Variants in VAV3 observed in about 807,000 individuals in gnomAD.
VAV3 encodes guanine nucleotide exchange factor VAV3.
Under a neutral mutation model 131.2 loss-of-function variants are expected in VAV3, and 94 were observed. The ratio of observed to expected loss-of-function variants is 0.72; its 90% confidence interval spans 0.61 to 0.85. The LOEUF is 0.85. VAV3 is among the 40% of genes least tolerant of loss of function. The probability of loss-of-function intolerance (pLI) is 0.00; values close to 1 mark genes in which losing one functional copy is unlikely to be tolerated. For missense variants in VAV3, 939 were observed against 1,002.7 expected, an observed-to-expected ratio of 0.94 and a Z score of 0.86; for synonymous variants, 349 against 342.0, an observed-to-expected ratio of 1.02 and a Z score of -0.22.
intron 2 of VAV3, among the ~76,000 whole-genome samples, chr1:107,827,254 G>A (rs1668056798): frequency 6.6e-6 from 1 of 152,106 alleles, no homozygotes; most frequent in Non-Finnish European, 1.5e-5. Context: ...GGAAAGGACA[G>A]CACTATTTGA....
chr1:107,592,983 C>T (rs1439544367), intron 25 of VAV3, among the ~76,000 whole-genome samples: 1 of 152,062 alleles, frequency 6.6e-6, no homozygotes, highest in Non-Finnish European at 1.5e-5. Context: ...CTAGAGGAAG[C>T]CCAAGAGCTC....
chr1:107,605,519 T>C (rs750183936), intron 22 of VAV3, among the ~76,000 whole-genome samples: 18 of 152,152 alleles, frequency 1.2e-4, no homozygotes, highest in Non-Finnish European at 1.9e-4. Context: ...ATGAGACAAA[T>C]AAATATATCT....
intron 15 of VAV3, among the ~76,000 whole-genome samples, chr1:107,718,735 G>C (rs1426834655): frequency 6.6e-6 from 1 of 152,142 alleles, no homozygotes; most frequent in African/African-American, 2.4e-5. Context: ...CCAAAAAAGA[G>C]CCTGCATTAC....
At chr1:107,666,202 C>A (rs1657395414) in intron 19 of VAV3, among the ~76,000 whole-genome samples, 1 of 152,118 alleles carries the variant, frequency 6.6e-6, no homozygotes, top group Non-Finnish European at 1.5e-5. Context: ...ATCCAACCCA[C>A]CAATTGTCAA....
rs1665561912 is a variant in VAV3 at position 107,779,469 on chromosome 1, A to G, written c.345T>C (p.Leu115=). The G allele has an allele frequency of 6.3e-7, 1 of 1,590,904 alleles. No individual in the cohort carries two copies. Among genetic ancestry groups the G allele is most frequent in the South Asian group, 1.2e-5 (1 of 86,424 alleles). ...FGKVIETLSR[L]SRTPIALATG... ...TGGCCAATGCTATAGGTGTTCGAGA[A>G]AGTCGTGATAATGTTTCTATAACCT... The change falls in exon 3 of 27, where the codon CTT becomes CTC. Residue 115 remains leucine (L), a synonymous_variant. Coordinates refer to ENST00000370056, the MANE Select transcript of VAV3 (RefSeq NM_006113.5).
At chr1:107,771,505 G>T (rs1474125293) in intron 5 of VAV3, among the ~76,000 whole-genome samples, 1 of 152,056 alleles carries the variant, frequency 6.6e-6, no homozygotes, top group East Asian at 1.9e-4. Context: ...TGCCTGCCTC[G>T]GCCTCTCAGA....
chr1:107,782,754 G>A (rs1015707869), intron 2 of VAV3, among the ~76,000 whole-genome samples: 1 of 152,188 alleles, frequency 6.6e-6, no homozygotes, highest in African/African-American at 2.4e-5. Context: ...AGCGTATCCG[G>A]ATTTGGAATA....
intron 1 of VAV3, among the ~76,000 whole-genome samples, chr1:107,945,488 A>G (rs919458263): frequency 1.3e-5 from 2 of 152,204 alleles, no homozygotes; most frequent in African/African-American, 4.8e-5. Flanking sequence ...GTGAATAAAA[A>G]TATAAGTGGC....
intron 19 of VAV3, chr1:107,668,837 T>A: frequency 1.0e-6 from 1 of 985,738 alleles, no homozygotes; most frequent in Non-Finnish European, 1.2e-6. Flanking sequence ...GATTGTCACA[T>A]GTTAAATGGA....
chr1:107,918,347 G>A (rs1672720714), intron 1 of VAV3, among the ~76,000 whole-genome samples: 1 of 152,124 alleles, frequency 6.6e-6, no homozygotes, highest in African/African-American at 2.4e-5. Flanking sequence ...CAGCAGACCT[G>A]GTAAATGGGA....
intron 25 of VAV3, among the ~76,000 whole-genome samples, chr1:107,590,761 T>G (rs958056969): frequency 6.6e-6 from 1 of 152,138 alleles, no homozygotes; most frequent in African/African-American, 2.4e-5. Context: ...TCCAATCAAC[T>G]CAACCTCTAA....
At chr1:107,889,132 A>AGAGTGTGT (rs1553226404) in intron 1 of VAV3, among the ~76,000 whole-genome samples, 124 of 142,040 alleles carry the variant, frequency 8.7e-4, no homozygotes, top group Admixed American at 3.7e-3. Context: ...TCCTGTGTAG[A>AGAGTGTGT]GTGTGTGTGT....
chr1:107,774,947 C>T (rs1665263946), intron 4 of VAV3, among the ~76,000 whole-genome samples: 1 of 150,670 alleles, frequency 6.6e-6, no homozygotes. Context: ...CCTACTTCAC[C>T]TTTTATCCCA....
chr1:107,803,698 C>T (rs897019199), intron 2 of VAV3, among the ~76,000 whole-genome samples: 5 of 152,024 alleles, frequency 3.3e-5, no homozygotes, highest in Non-Finnish European at 7.4e-5. Context: ...CTTCCATATG[C>T]TAATGAAAAT....
intron 5 of VAV3, among the ~76,000 whole-genome samples, chr1:107,771,963 A>G (rs1483172618): frequency 6.6e-6 from 1 of 152,366 alleles, no homozygotes; most frequent in Admixed American, 6.5e-5. Context: ...CACAGAAGCT[A>G]CTGGACAGCC....
At chr1:107,676,060 A>T (rs1320623905) in intron 19 of VAV3, among the ~76,000 whole-genome samples, 1 of 152,214 alleles carries the variant, frequency 6.6e-6, no homozygotes, top group Non-Finnish European at 1.5e-5. Flanking sequence ...CAGTATGCCC[A>T]AGGATGAAAA....
At position 107,940,291 on chromosome 1, in the gene VAV3, G is replaced by A. The variant is rs149649164; in HGVS notation, c.204+24375C>T. 5.3e-3 allele frequency among the ~76,000 whole-genome samples: 800 copies of A among 152,190 alleles called. 8 individuals carry two copies. The highest frequency in any genetic ancestry group is 9.6e-3 in the Non-Finnish European group (655 of 68,014). ...TTTTAAAGAGACCAAAGAATTATAA[G>A]GTCAGGCAAGACTATCATCTGCCCC... On this transcript the variant is annotated intron_variant, in intron 1 of 26. Coordinates refer to ENST00000370056, the MANE Select transcript of VAV3 (RefSeq NM_006113.5).
chr1:107,746,149 G>A (rs1177519688), intron 15 of VAV3, among the ~76,000 whole-genome samples: 1 of 152,174 alleles, frequency 6.6e-6, no homozygotes, highest in Admixed American at 6.5e-5. Flanking sequence ...ATGAGCATCA[G>A]ACAGGCAAAA....
At chr1:107,948,740 G>C (rs983493651) in intron 1 of VAV3, among the ~76,000 whole-genome samples, 13 of 152,084 alleles carry the variant, frequency 8.5e-5, no homozygotes, top group African/African-American at 2.7e-4. Context: ...CTACTCAGGA[G>C]GAGGCTGAGG....
Sources: allele counts gnomAD v4.1 joint callset (sites outside exome capture counted in the v4.1 genomes callset), GRCh38; gene constraint gnomAD v4.1.1; transcripts MANE v1.5; gene names NCBI Gene and HGNC (gene_info 2026-07-23, HGNC 2026-07-21).